WNT7B: variants seen among roughly 807,000 people sequenced by gnomAD.
The protein encoded by WNT7B is Wnt family member 7B, also known as protein Wnt-7b.
A neutral mutation model predicts 38.2 loss-of-function variants in WNT7B; 19 were observed. The observed-to-expected ratio is 0.50, with a 90% CI of 0.35 to 0.73. WNT7B has a LOEUF of 0.73. Among genes scored for constraint, WNT7B ranks in the 30% least tolerant of loss-of-function variants. The probability of loss-of-function intolerance (pLI) is 0.01; values close to 1 mark genes in which losing one functional copy is unlikely to be tolerated. For missense variants in WNT7B, 423 were observed against 507.9 expected (o/e 0.83, Z 1.61); for synonymous variants, 243 against 209.3 (o/e 1.16, Z -1.39).
chr22:45,945,003 C>T (rs59118799), intron 2 of WNT7B, among the ~76,000 whole-genome samples: 3,879 of 152,282 alleles, frequency 0.025, 167 homozygotes, highest in African/African-American at 0.089. Context: ...CACCGCTCAA[C>T]GGAAGGTTCA....
chr22:45,958,728 CCT>C (rs1395610821), intron 1 of WNT7B, among the ~76,000 whole-genome samples: 3 of 152,172 alleles, frequency 2.0e-5, no homozygotes, highest in African/African-American at 7.2e-5. Flanking sequence ...TGGCCAGTGC[CCT>C]GTCATCAACC....
At chr22:45,925,203 G>A (rs1931046196) in intron 3 of WNT7B, 1 of 983,286 alleles carries the variant, frequency 1.0e-6, no homozygotes, top group Non-Finnish European at 1.2e-6. Context: ...GCTAGCAGGT[G>A]GGTGCCGGGT....
In WNT7B at chr22:45,938,395, G is replaced by A. The variant is rs773180596; in HGVS notation, c.299-7026C>T. 8.5e-5 allele frequency among the ~76,000 whole-genome samples: 13 copies of A among 152,218 alleles called. No individual in the cohort carries two copies. The South Asian group carries it at 1.2e-3, about 15-fold the overall frequency. On this transcript the variant is annotated intron_variant, in intron 2 of 3. Coordinates refer to ENST00000339464, the MANE Select transcript of WNT7B (RefSeq NM_058238.3). The stretch of plus-strand genomic sequence containing the variant: ...CTCACACCTGTAATCTCAGCACTTC[G>A]GGAGGTCGAGGCGGGTGGATCACCT...
chr22:45,951,292 G>C lies in WNT7B; in HGVS notation c.72-1146C>G, dbSNP rs1033010864. ...GGATTTCACTGTGTTGGCCAGGCTG[G>C]TCTCGAACTCCTGACCTCAGGTCAT... On this transcript the variant is annotated intron_variant, in intron 1 of 3. Transcript: ENST00000339464. This position sits in a 1 kb window ranked among gnomAD's most constrained non-coding sequence, Gnocchi z 4.8. Among the ~76,000 whole-genome samples the C allele has an allele frequency of 3.3e-5, 5 of 152,034 alleles. No homozygotes were observed. Among genetic ancestry groups the C allele is most frequent in the African/African-American group, 1.2e-4 (5 of 41,366 alleles).
Position 45,976,721 on chromosome 22 carries a change from C to G in WNT7B, c.34G>C (p.Val12Leu). 1.2e-6 allele frequency: 2 copies of G among 1,610,230 alleles called. No individual in the cohort carries two copies. The highest frequency in any genetic ancestry group is 1.1e-5 in the South Asian group (1 of 90,882). The change falls in exon 1 of 4, where the codon GTG becomes CTG. Residue 12 changes from valine to leucine, a missense_variant. By Grantham distance (32) the Val-to-Leu change is conservative. This residue lies in a region of WNT7B where 133 missense variants were observed against 179.8 expected (regional missense o/e 0.74). Coordinates refer to ENST00000339464, the MANE Select transcript of WNT7B (RefSeq NM_058238.3). The surrounding 1 kb of genome is among the most constrained non-coding windows in gnomAD (Gnocchi z 8.5). ...TACAGGACGCCAAAGCAGAGAAACA[C>G]GTAGAAAATCCACTTGCGAAAGTTT... ...HRNFRKWIFY[V>L]FLCFGVLYVK...
At chr22:45,952,914 C>T (rs541645887) in intron 1 of WNT7B, among the ~76,000 whole-genome samples, 125 of 152,344 alleles carry the variant, frequency 8.2e-4, no homozygotes, top group African/African-American at 2.9e-3. Flanking sequence ...GGTCTGGCCT[C>T]GGAAGACCCC....
At chr22:45,933,307 G>C (rs1439156316) in intron 2 of WNT7B, among the ~76,000 whole-genome samples, 3 of 152,226 alleles carry the variant, frequency 2.0e-5, no homozygotes, top group African/African-American at 7.2e-5. Flanking sequence ...AGGCAGCACA[G>C]CCCCTGCCTT....
chr22:45,970,714 G>A (rs1030650577), intron 1 of WNT7B, among the ~76,000 whole-genome samples: 2 of 152,260 alleles, frequency 1.3e-5, no homozygotes, highest in Non-Finnish European at 2.9e-5. Context: ...TGGGGAGGGG[G>A]AGGCTTCCTG....
At chr22:45,934,593 G>C (rs1461602483) in intron 2 of WNT7B, among the ~76,000 whole-genome samples, 1 of 152,194 alleles carries the variant, frequency 6.6e-6, no homozygotes, top group African/African-American at 2.4e-5. Flanking sequence ...GAGCGGGTCA[G>C]GGGATGCCAC....
intron 1 of WNT7B, 35 bp from the exon 2 acceptor site, chr22:45,950,181 CG>C (rs1931899046): frequency 6.4e-7 from 1 of 1,573,328 alleles, no homozygotes; most frequent in Non-Finnish European, 8.7e-7. Context: ...CGTGAGACGG[CG>C]GCGGCCAGCG....
At position 45,939,274 on chromosome 22, in the gene WNT7B, A is replaced by G. The variant is rs554044234; in HGVS notation, c.299-7905T>C. Among the ~76,000 whole-genome samples, 576 of 152,366 alleles carry G rather than the reference A, an allele frequency of 3.8e-3. 3 individuals are homozygous for G. The highest frequency in any genetic ancestry group is 6.7e-3 in the Non-Finnish European group (455 of 68,044). On this transcript the variant is annotated intron_variant, in intron 2 of 3. Transcript: ENST00000339464. ...ACGTAGGGTCACCATGTGACCCAGC[A>G]CTGCCACTCCTATGCATACACTTCA...
intron 3 of WNT7B, among the ~76,000 whole-genome samples, chr22:45,929,470 ATCCT>A (rs1256762558): frequency 8.6e-6 from 1 of 116,882 alleles, no homozygotes; most frequent in Non-Finnish European, 1.7e-5. Flanking sequence ...CCATCTACTT[ATCCT>A]TCCATCTGTA....
chr22:45,937,849 A>C (rs1242920681), intron 2 of WNT7B, among the ~76,000 whole-genome samples: 1 of 151,998 alleles, frequency 6.6e-6, no homozygotes, highest in Non-Finnish European at 1.5e-5. Context: ...AGGTCTACTA[A>C]AAATACAAAA....
intron 1 of WNT7B, among the ~76,000 whole-genome samples, chr22:45,956,485 G>A (rs1438621956): frequency 6.6e-6 from 1 of 152,208 alleles, no homozygotes; most frequent in Non-Finnish European, 1.5e-5. Context: ...CAATTGTGAA[G>A]CTACTGGGTA....
At chr22:45,932,389 G>A (rs897545970) in intron 2 of WNT7B, among the ~76,000 whole-genome samples, 2 of 151,552 alleles carry the variant, frequency 1.3e-5, no homozygotes, top group East Asian at 3.9e-4. Flanking sequence ...CGGGTCTGAG[G>A]CCTCCCTGTC....
At chr22:45,927,837 G>C (rs536431275) in intron 3 of WNT7B, among the ~76,000 whole-genome samples, 4 of 152,164 alleles carry the variant, frequency 2.6e-5, no homozygotes, top group Non-Finnish European at 5.9e-5. Context: ...CAGAGGTTGC[G>C]GTGAGCAGAG....
intron 1 of WNT7B, chr22:45,972,264 G>A: frequency 1.6e-6 from 1 of 618,684 alleles, no homozygotes; most frequent in Non-Finnish European, 3.0e-6. Context: ...TGGCGGGGCT[G>A]AACAGGCTCC....
At chr22:45,946,154 C>T (rs1015909921) in intron 2 of WNT7B, among the ~76,000 whole-genome samples, 9 of 152,294 alleles carry the variant, frequency 5.9e-5, no homozygotes, top group Non-Finnish European at 1.0e-4. Context: ...CCTTCTGGAC[C>T]CTCCAGAGCT....
In WNT7B at chr22:45,920,706, G is replaced by A. The variant is rs927053968; in HGVS notation, c.*2150C>T. 2.3e-5 allele frequency: 3 copies of A among 129,592 alleles called. No homozygotes were observed. The highest frequency in any genetic ancestry group is 1.0e-4 in the African/African-American group (3 of 29,852). The allele number at this position is 129,592 out of a possible 1,614,324, so 8.0% of individuals were successfully genotyped here. ...GGGATGGGGGATGGGGTCAGGGATGGGATGGGGGATGGGATGAGGGATGAG... is the reference window on the plus strand; with the variant it reads ...GGGATGGGGGATGGGGTCAGGGATGAGATGGGGGATGGGATGAGGGATGAG... On this transcript the variant is annotated 3_prime_UTR_variant, in exon 4 of 4. Transcript: ENST00000339464.
Sources: gnomAD v4.1 joint callset for allele counts (sites outside exome capture counted in the v4.1 genomes callset) on GRCh38, gnomAD v4.1.1 for gene constraint, gnomAD v4.1.1 regional missense constraint, Gnocchi (gnomAD v3.1) non-coding constraint, MANE v1.5 for transcripts, NCBI Gene and HGNC (gene_info 2026-07-23, HGNC 2026-07-21) for gene names.